The following ATP4B variants were observed in gnomAD, a reference collection of about 807,000 sequenced individuals.
ATP4B encodes the protein potassium-transporting ATPase subunit beta.
Under a neutral mutation model 35.3 loss-of-function variants are expected in ATP4B, and 27 were observed. The observed-to-expected ratio is 0.76, with a 90% CI of 0.56 to 1.05. ATP4B has a LOEUF of 1.05. Among genes scored for constraint, ATP4B ranks in the 50% least tolerant of loss-of-function variants. The probability of loss-of-function intolerance (pLI) is 0.00; values close to 1 mark genes in which losing one functional copy is unlikely to be tolerated. For missense variants in ATP4B, 375 were observed against 384.8 expected (o/e 0.97, Z 0.21); for synonymous variants, 162 against 156.0 (o/e 1.04, Z -0.29).
At chr13:113,654,381 G>A (rs561937168) in intron 2 of ATP4B, among the ~76,000 whole-genome samples, 47 of 152,246 alleles carry the variant, frequency 3.1e-4, no homozygotes, top group South Asian at 1.2e-3. Flanking sequence ...GGTGACCAGC[G>A]GGCTCTTTTC....
intron 4 of ATP4B, chr13:113,652,552 C>T: frequency 2.4e-6 from 1 of 424,540 alleles, no homozygotes; most frequent in East Asian, 5.2e-5. Flanking sequence ...GACTCCAGAA[C>T]TTGAGGCCCC....
At position 113,649,227 on chromosome 13, in the gene ATP4B, T is replaced by C; in HGVS notation, c.*147A>G. Reference sequence around the variant, plus strand: ...AGCAGGTCCTTCAGATGTGGGCGCTTCTCTGGAGTTCGCACACTGACAACA... The same window carrying C: ...AGCAGGTCCTTCAGATGTGGGCGCTCCTCTGGAGTTCGCACACTGACAACA... On this transcript the variant is annotated 3_prime_UTR_variant, in exon 7 of 7. Transcript: ENST00000335288. This position sits in a 1 kb window ranked among gnomAD's most constrained non-coding sequence, Gnocchi z 4.7. The C allele has an allele frequency of 1.1e-6, 1 of 877,998 alleles. No individual in the cohort carries two copies. The highest frequency in any genetic ancestry group is 1.7e-6 in the Non-Finnish European group (1 of 598,908). The allele number at this position is 877,998 out of a possible 1,614,324, so 54.4% of individuals were successfully genotyped here.
chr13:113,654,434 C>G (rs367587621), intron 2 of ATP4B, among the ~76,000 whole-genome samples: 1 of 152,174 alleles, frequency 6.6e-6, no homozygotes, highest in Admixed American at 6.5e-5. Context: ...GTTTCCTGTG[C>G]GTCCTTGCAG....
intron 1 of ATP4B, among the ~76,000 whole-genome samples, chr13:113,655,808 T>G (rs1006250976): frequency 3.9e-5 from 6 of 152,214 alleles, no homozygotes; most frequent in African/African-American, 1.4e-4. Context: ...TGAGCCGTTC[T>G]CCAGTGACCC....
chr13:113,652,576 G>A (rs927030792), intron 4 of ATP4B: 3 of 468,058 alleles, frequency 6.4e-6, no homozygotes, highest in African/African-American at 5.9e-5. Flanking sequence ...ACCTGGCCCT[G>A]GCATCTCTGG....
Position 113,649,456 on chromosome 13 carries a change from A to G in ATP4B, c.794T>C (p.Val265Ala), listed in dbSNP as rs751119119. 1 of 1,568,918 alleles carries G rather than the reference A, an allele frequency of 6.4e-7. No individual in the cohort carries two copies. The highest frequency in any genetic ancestry group is 8.7e-7 in the Non-Finnish European group (1 of 1,154,996). The change falls in exon 7 of 7, where the codon GTC becomes GCC. Residue 265 changes from valine (V) to alanine (A), a missense_variant. Val to Ala is a moderately conservative substitution (Grantham distance 64). Coordinates refer to ENST00000335288, the MANE Select transcript of ATP4B (RefSeq NM_000705.4). This position sits in a 1 kb window ranked among gnomAD's most constrained non-coding sequence, Gnocchi z 4.7. ...GTTGAAGGTCACGTGCTCCGCCATGACCTTGCACACGATGGCGACCTCAGC... is the reference window on the plus strand; with the variant it reads ...GTTGAAGGTCACGTGCTCCGCCATGGCCTTGCACACGATGGCGACCTCAGC... ...RNAEVAIVCK[V>A]MAEHVTFNNP...
intron 5 of ATP4B, among the ~76,000 whole-genome samples, chr13:113,651,149 C>T (rs1278960831): frequency 2.6e-5 from 4 of 151,752 alleles, no homozygotes; most frequent in Non-Finnish European, 5.9e-5. Context: ...GAAACCTTTG[C>T]CTTTGGGTGT....
chr13:113,650,366 A>G lies in ATP4B; in HGVS notation c.714+40T>C. ...CCTTTCGCTAAGTGTGAGAGGACTCAGCAGCTGTGGTGAGGGAAGCGTGGA... is the reference window on the plus strand; with the variant it reads ...CCTTTCGCTAAGTGTGAGAGGACTCGGCAGCTGTGGTGAGGGAAGCGTGGA... On this transcript the variant is annotated intron_variant, in intron 6 of 6. Coordinates refer to ENST00000335288, the MANE Select transcript of ATP4B (RefSeq NM_000705.4). This position sits in a 1 kb window ranked among gnomAD's most constrained non-coding sequence, Gnocchi z 5.0. The G allele has an allele frequency of 6.4e-7, 1 of 1,573,196 alleles. No homozygotes were observed. The highest frequency in any genetic ancestry group is 8.7e-7 in the Non-Finnish European group (1 of 1,143,438).
chr13:113,656,771 C>T (rs551811684), intron 1 of ATP4B, among the ~76,000 whole-genome samples: 15 of 152,296 alleles, frequency 9.8e-5, no homozygotes, highest in Non-Finnish European at 1.9e-4. Flanking sequence ...ACCGGCCAGG[C>T]AGTGAGACCA....
Position 113,658,126 on chromosome 13 carries a change from TCTC to T in ATP4B, c.16_18del (p.Glu6del), listed in dbSNP as rs781651629. 3.1e-6 allele frequency: 5 copies of T among 1,612,802 alleles called. No homozygotes were observed. Among genetic ancestry groups the T allele is most frequent in the African/African-American group, 1.3e-5 (1 of 75,024 alleles). On this transcript the variant is annotated inframe_deletion, in exon 1 of 7. Coordinates refer to ENST00000335288, the MANE Select transcript of ATP4B (RefSeq NM_000705.4). ...TCCATGCGCTGGCCACACGTCTTCTTCTCCTGCAGAGCCGCCATCGTCCCTGGC... is the reference window on the plus strand; with the variant it reads ...TCCATGCGCTGGCCACACGTCTTCTTCTGCAGAGCCGCCATCGTCCCTGGC...
chr13:113,651,299 A>G (rs1403123188), intron 5 of ATP4B, among the ~76,000 whole-genome samples: 1 of 152,264 alleles, frequency 6.6e-6, no homozygotes, highest in Non-Finnish European at 1.5e-5. Context: ...TATACTAAAC[A>G]CAGTTAAACA....
intron 1 of ATP4B, among the ~76,000 whole-genome samples, 187 bp downstream of exon 1, chr13:113,657,846 C>A (rs1360490066): frequency 2.0e-5 from 3 of 152,362 alleles, no homozygotes; most frequent in East Asian, 3.9e-4. Context: ...CTTCAGGATG[C>A]TCTGGGGACC....
rs1263712308 is a variant in ATP4B, at chr13:113,649,773, C to T, written c.715-238G>A. Among the ~76,000 whole-genome samples, 2 of 152,182 alleles carry T rather than the reference C, an allele frequency of 1.3e-5. No homozygotes were observed. The highest frequency in any genetic ancestry group is 4.8e-5 in the African/African-American group (2 of 41,430). ...CCAGGAGTAAATTCAGCTTCAAACT[C>T]TTACGATGATTAACGTAAAAATGAA... On this transcript the variant is annotated intron_variant, in intron 6 of 6. Transcript: ENST00000335288. The surrounding 1 kb of genome is among the most constrained non-coding windows in gnomAD (Gnocchi z 4.7).
Position 113,649,307 on chromosome 13 carries a change from A to T in ATP4B, c.*67T>A. ...TTGGCAGGGAACTGACGGGCAAGGT[A>T]AGCCCAACCAGGAGGGTGTCCTTGA... On this transcript the variant is annotated 3_prime_UTR_variant, in exon 7 of 7. Coordinates refer to ENST00000335288, the MANE Select transcript of ATP4B (RefSeq NM_000705.4). The surrounding 1 kb of genome is among the most constrained non-coding windows in gnomAD (Gnocchi z 4.7). 6.6e-7 allele frequency: 1 copy of T among 1,522,016 alleles called. No homozygotes were observed. The highest frequency in any genetic ancestry group is 8.9e-7 in the Non-Finnish European group (1 of 1,128,362). The allele number at this position is 1,522,016 out of a possible 1,614,324, so 94.3% of individuals were successfully genotyped here.
At chr13:113,656,932 C>T (rs1056967052) in intron 1 of ATP4B, among the ~76,000 whole-genome samples, 5 of 152,282 alleles carry the variant, frequency 3.3e-5, no homozygotes, top group East Asian at 3.9e-4. Context: ...CCTGGCCTCC[C>T]GCTCTGCCGC....
At position 113,649,341 on chromosome 13, in the gene ATP4B, G is replaced by A. The variant is rs367706989; in HGVS notation, c.*33C>T. ...CAGGAGGGTGTCCTTGAGCGACCCC[G>A]CAGGCGTGCCCAGGACCCCTGCGCA... On this transcript the variant is annotated 3_prime_UTR_variant, in exon 7 of 7. Coordinates refer to ENST00000335288, the MANE Select transcript of ATP4B (RefSeq NM_000705.4). This position sits in a 1 kb window ranked among gnomAD's most constrained non-coding sequence, Gnocchi z 4.7. The A allele has an allele frequency of 3.6e-4, 568 of 1,571,490 alleles. 6 individuals are homozygous for A. The South Asian group carries it at 6.1e-3, about 17-fold the overall frequency.
chr13:113,654,741 G>A lies in ATP4B; in HGVS notation c.241+73C>T, dbSNP rs954297941. The A allele has an allele frequency of 2.6e-5, 40 of 1,538,746 alleles. 1 individual carries two copies. The highest frequency in any genetic ancestry group is 4.0e-4 in the Middle Eastern group (2 of 5,012). ...TTTCTGGGGAGGGCACGGGTCCCCC[G>A]GGCGTCTCCAGAGCCGAGGAGGCGG... is the stretch of plus-strand genomic sequence containing the variant. On this transcript the variant is annotated intron_variant, in intron 2 of 6. Transcript: ENST00000335288.
chr13:113,653,472 G>T, intron 2 of ATP4B, 38 bp from the exon 3 acceptor site: 1 of 1,567,516 alleles, frequency 6.4e-7, no homozygotes, highest in Non-Finnish European at 8.8e-7. Context: ...GTCTCCAAAT[G>T]CTCACCACAT....
chr13:113,656,201 G>A (rs1297866377), intron 1 of ATP4B, among the ~76,000 whole-genome samples: 3 of 152,330 alleles, frequency 2.0e-5, no homozygotes, highest in South Asian at 2.1e-4. Flanking sequence ...TGGCCCTGCA[G>A]GTCCTGCCTC....
Sources: allele counts gnomAD v4.1 joint callset (sites outside exome capture counted in the v4.1 genomes callset), GRCh38; gene constraint gnomAD v4.1.1; non-coding constraint Gnocchi (gnomAD v3.1); transcripts MANE v1.5; gene names NCBI Gene and HGNC (gene_info 2026-07-23, HGNC 2026-07-21).